Variants in PAN3 observed in about 807,000 individuals in gnomAD.
The protein encoded by PAN3 is PAN2-PAN3 deadenylation complex subunit PAN3.
Under a neutral mutation model 96.2 loss-of-function variants are expected in PAN3, and 19 were observed. The ratio of observed to expected loss-of-function variants is 0.20; its 90% CI spans 0.14 to 0.29. The LOEUF is 0.29. Among genes scored for constraint, PAN3 ranks in the 10% least tolerant of loss-of-function variants. The pLI is 1.00. For synonymous variants in PAN3, 433 were observed against 406.6 expected (o/e 1.06, Z -0.78); for missense variants, 882 against 1,108.1 (o/e 0.80, Z 2.90).
At chr13:28,248,404 T>C (rs1483384064) in intron 6 of PAN3, among the ~76,000 whole-genome samples, 2 of 152,246 alleles carry the variant, frequency 1.3e-5, no homozygotes, top group African/African-American at 2.4e-5. Flanking sequence ...TCCAAACTGT[T>C]TGCCTTTGTT....
intron 4 of PAN3, among the ~76,000 whole-genome samples, chr13:28,187,224 G>C (rs1876597577): frequency 1.3e-5 from 2 of 152,112 alleles, no homozygotes; most frequent in Admixed American, 6.6e-5. Context: ...CTACTTGGGA[G>C]ACTGAGGTGG....
intron 1 of PAN3, among the ~76,000 whole-genome samples, chr13:28,173,151 C>G (rs532620805): frequency 1.9e-4 from 29 of 152,266 alleles, no homozygotes; most frequent in Admixed American, 3.3e-4. Flanking sequence ...TAGCTACTTA[C>G]GGCAATAGCA....
chr13:28,157,407 G>T (rs541989494), intron 1 of PAN3, among the ~76,000 whole-genome samples: 2 of 152,152 alleles, frequency 1.3e-5, no homozygotes, highest in Non-Finnish European at 2.9e-5. Flanking sequence ...CAAATAAGAA[G>T]AGAGGAAGTC....
At chr13:28,196,980 C>A (rs1053773496) in intron 4 of PAN3, among the ~76,000 whole-genome samples, 5 of 151,806 alleles carry the variant, frequency 3.3e-5, no homozygotes, top group African/African-American at 4.8e-5. Context: ...TTCTTTAGCC[C>A]ATTAGGAGTG....
intron 5 of PAN3, chr13:28,215,303 T>A: frequency 1.4e-6 from 1 of 725,218 alleles, no homozygotes; most frequent in South Asian, 1.5e-5. Context: ...GTACTGTGTC[T>A]GTGGACCGAG....
intron 5 of PAN3, among the ~76,000 whole-genome samples, chr13:28,210,225 A>G (rs1231169953): frequency 1.3e-5 from 2 of 152,224 alleles, no homozygotes; most frequent in East Asian, 1.9e-4. Context: ...TTACATGTCT[A>G]TAATGTCAAG....
chr13:28,262,265 C>T (rs1885805071), intron 9 of PAN3, among the ~76,000 whole-genome samples: 1 of 152,106 alleles, frequency 6.6e-6, no homozygotes, highest in African/African-American at 2.4e-5. Context: ...CTAACTGTAC[C>T]ACAATATTTC....
chr13:28,209,796 C>T (rs1454974194), intron 5 of PAN3, among the ~76,000 whole-genome samples: 2 of 152,012 alleles, frequency 1.3e-5, no homozygotes, highest in Non-Finnish European at 2.9e-5. Flanking sequence ...TTCCCCTTCT[C>T]CTTCCCTTTT....
chr13:28,183,512 T>G (rs1876068238), intron 4 of PAN3, among the ~76,000 whole-genome samples: 1 of 152,204 alleles, frequency 6.6e-6, no homozygotes, highest in Admixed American at 6.5e-5. Context: ...GCTTTTAGGC[T>G]TAGAGATATG....
intron 4 of PAN3, 47 bp downstream of exon 4, chr13:28,177,982 G>C: frequency 6.6e-7 from 1 of 1,517,086 alleles, no homozygotes; most frequent in Non-Finnish European, 9.1e-7. Flanking sequence ...ATTTAGAAGT[G>C]ATGTTGGCAT....
At chr13:28,150,401 A>C (rs1055398181) in intron 1 of PAN3, among the ~76,000 whole-genome samples, 15 of 152,072 alleles carry the variant, frequency 9.9e-5, no homozygotes, top group Admixed American at 9.2e-4. Context: ...CGAGGCGGGC[A>C]GATCATGAGG....
chr13:28,227,509 C>G (rs539437548), intron 6 of PAN3, among the ~76,000 whole-genome samples: 1 of 152,082 alleles, frequency 6.6e-6, no homozygotes, highest in Non-Finnish European at 1.5e-5. Context: ...TATTATGACT[C>G]GATTGCCTTT....
At chr13:28,168,583 G>A (rs987231657) in intron 1 of PAN3, among the ~76,000 whole-genome samples, 15 of 152,158 alleles carry the variant, frequency 9.9e-5, no homozygotes, top group African/African-American at 3.6e-4. Context: ...GCCAGGCATG[G>A]TGGCACATGC....
At chr13:28,196,617 T>A (rs1878089244) in intron 4 of PAN3, among the ~76,000 whole-genome samples, 1 of 151,980 alleles carries the variant, frequency 6.6e-6, no homozygotes, top group Admixed American at 6.6e-5. Context: ...CTATTTAAGA[T>A]AGAGTGAGTT....
chr13:28,257,739 TTA>T (rs1438932624), intron 7 of PAN3, among the ~76,000 whole-genome samples: 1 of 113,754 alleles, frequency 8.8e-6, no homozygotes, highest in Non-Finnish European at 2.0e-5. Flanking sequence ...TATATATAAA[TTA>T]TATATAATAT....
intron 6 of PAN3, among the ~76,000 whole-genome samples, chr13:28,232,277 T>C (rs1271249726): frequency 6.6e-6 from 1 of 152,166 alleles, no homozygotes; most frequent in African/African-American, 2.4e-5. Context: ...AAGAGTAGAA[T>C]TAGGTATCAT....
chr13:28,279,506 TCCCAGTGCTTTGGGAGGC>T (rs1887296235), intron 15 of PAN3, among the ~76,000 whole-genome samples: 1 of 152,080 alleles, frequency 6.6e-6, no homozygotes, highest in Non-Finnish European at 1.5e-5. Context: ...ACACCTGTAA[TCCCAGTGCTTTGGGAGGC>T]CAAGGCAGGT....
rs536142661 is a variant in PAN3 at position 28,146,998 on chromosome 13, GAA to G, written c.430+7917_430+7918del. 4.9e-4 allele frequency among the ~76,000 whole-genome samples: 75 copies of G among 151,836 alleles called. No individual in the cohort carries two copies. The East Asian group carries it at 0.014, about 29-fold the overall frequency. ...CTCCGTCTCAAAAAAAAAAGGAAAAGAAAAAAATAGAAAAGGTACAGTAAAAA... is the reference window on the plus strand; with the variant it reads ...CTCCGTCTCAAAAAAAAAAGGAAAAGAAAAATAGAAAAGGTACAGTAAAAA... On this transcript the variant is annotated intron_variant, in intron 1 of 18. Coordinates refer to ENST00000380958, the MANE Select transcript of PAN3 (RefSeq NM_175854.8).
chr13:28,154,747 T>C (rs1871874147), intron 1 of PAN3, among the ~76,000 whole-genome samples: 2 of 151,770 alleles, frequency 1.3e-5, no homozygotes, highest in South Asian at 4.2e-4. Flanking sequence ...CCACCCACTT[T>C]AGCCTCCCAA....
Sources: gnomAD v4.1 joint callset for allele counts (sites outside exome capture counted in the v4.1 genomes callset) on GRCh38, gnomAD v4.1.1 for gene constraint, MANE v1.5 for transcripts, NCBI Gene and HGNC (gene_info 2026-07-23, HGNC 2026-07-21) for gene names.